LOXHD1: variants seen among roughly 807,000 people sequenced by gnomAD.
LOXHD1 encodes lipoxygenase homology PLAT domains 1.
LOXHD1 carries 205 observed loss-of-function variants against 248.2 expected under a neutral mutation model. That is an observed-to-expected ratio of 0.83 (90% CI 0.74 to 0.93). The LOEUF (loss-of-function observed/expected upper bound fraction) is 0.93, where lower values mean the gene tolerates loss of function less well. LOXHD1 is among the 40% of genes least tolerant of loss of function. The pLI, the probability that LOXHD1 is intolerant of heterozygous loss-of-function variation, is 0.00. For missense variants in LOXHD1, 2,930 were observed against 2,971.6 expected (o/e 0.99, Z 0.33); for synonymous variants, 1,113 against 1,162.8 (o/e 0.96, Z 0.87).
intron 21 of LOXHD1, 89 bp from the exon 22 acceptor site, chr18:46,547,147 A>C: frequency 6.9e-7 from 1 of 1,450,516 alleles, no homozygotes; most frequent in Non-Finnish European, 9.4e-7. Context: ...GAGGCCCTCT[A>C]TGGGGTCCCA....
chr18:46,569,713 G>A, intron 15 of LOXHD1, 75 bp from the exon 16 acceptor site: 1 of 1,220,144 alleles, frequency 8.2e-7, no homozygotes, highest in Non-Finnish European at 1.1e-6. Flanking sequence ...TGCGTGTATA[G>A]GAGGGCAGCC....
chr18:46,583,642 T>C (rs2144173189), intron 12 of LOXHD1, among the ~76,000 whole-genome samples: 1 of 152,036 alleles, frequency 6.6e-6, no homozygotes, highest in Non-Finnish European at 1.5e-5. Flanking sequence ...TAGTGAAATA[T>C]ACCATCTTGC....
chr18:46,565,383 C>G (rs1452276744), intron 17 of LOXHD1, among the ~76,000 whole-genome samples: 4 of 152,230 alleles, frequency 2.6e-5, no homozygotes, highest in Non-Finnish European at 5.9e-5. Flanking sequence ...CATTGCTAAC[C>G]CTTTATCCTG....
chr18:46,556,144 CCAAT>C (rs2037321078), intron 21 of LOXHD1, among the ~76,000 whole-genome samples: 1 of 151,152 alleles, frequency 6.6e-6, no homozygotes, highest in Non-Finnish European at 1.5e-5. Flanking sequence ...ACAGCCATGC[CCAAT>C]CATTTAGGCA....
chr18:46,651,721 G>A (rs976721219), intron 1 of LOXHD1, among the ~76,000 whole-genome samples: 3 of 151,180 alleles, frequency 2.0e-5, no homozygotes, highest in Non-Finnish European at 2.9e-5. Flanking sequence ...AGAGACTAGG[G>A]AAGGTATTTG....
intron 4 of LOXHD1, among the ~76,000 whole-genome samples, chr18:46,624,996 A>G (rs1308927544): frequency 6.6e-6 from 1 of 152,032 alleles, no homozygotes; most frequent in African/African-American, 2.4e-5. Flanking sequence ...AATCCTCACA[A>G]TGATGGACCC....
intron 26 of LOXHD1, among the ~76,000 whole-genome samples, 165 bp from the exon 27 acceptor site, chr18:46,534,616 ACGC>A: frequency 6.6e-6 from 1 of 152,158 alleles, no homozygotes; most frequent in Middle Eastern, 3.4e-3. Context: ...CTTGACACAC[ACGC>A]CATGCTTATG....
At chr18:46,507,788 C>T in intron 35 of LOXHD1, 76 bp from the exon 36 acceptor site, 1 of 1,442,902 alleles carries the variant, frequency 6.9e-7, no homozygotes, top group Non-Finnish European at 9.3e-7. Context: ...TCATGCAGCC[C>T]CTCCCCGAAT....
rs1485538860 is a variant in LOXHD1, at chr18:46,505,906, G to A, written c.5810C>T (p.Thr1937Ile). Residue 1937 changes from threonine to isoleucine, a missense_variant, in exon 37 of 41, where the codon ACA becomes ATA. By Grantham distance (89) the Thr-to-Ile change is moderately conservative. Transcript: ENST00000642948. Reference sequence around the variant, plus strand: ...GCTCAGCATGTCAGGGAAGTTGAATGTGTCCGTGTTGTTCCGCTCAAACTT... The same window carrying A: ...GCTCAGCATGTCAGGGAAGTTGAATATGTCCGTGTTGTTCCGCTCAAACTT... ...WNKFERNNTDTFNFPDMLSLG... is the reference protein window; with the variant it reads ...WNKFERNNTDIFNFPDMLSLG... The A allele has an allele frequency of 6.4e-7, 1 of 1,551,908 alleles. No homozygotes were observed. Among genetic ancestry groups the A allele is most frequent in the South Asian group, 1.2e-5 (1 of 84,056 alleles).
intron 31 of LOXHD1, among the ~76,000 whole-genome samples, chr18:46,523,498 A>T (rs2035679944): frequency 6.6e-6 from 1 of 152,168 alleles, no homozygotes; most frequent in Non-Finnish European, 1.5e-5. Flanking sequence ...TGTGAGTGAA[A>T]AGAAAAATTC....
chr18:46,503,614 G>A (rs1433896918), intron 37 of LOXHD1, among the ~76,000 whole-genome samples: 1 of 152,156 alleles, frequency 6.6e-6, no homozygotes, highest in Non-Finnish European at 1.5e-5. Flanking sequence ...AGAAAACTCA[G>A]GAGTTTTTGT....
intron 35 of LOXHD1, among the ~76,000 whole-genome samples, chr18:46,509,245 C>T (rs559131797): frequency 2.3e-4 from 35 of 152,250 alleles, no homozygotes; most frequent in Non-Finnish European, 4.0e-4. Context: ...CGGCCAAGCT[C>T]AGACTCAGAG....
chr18:46,590,628 A>G (rs2038148573), intron 12 of LOXHD1, among the ~76,000 whole-genome samples: 1 of 152,172 alleles, frequency 6.6e-6, no homozygotes, highest in Non-Finnish European at 1.5e-5. Flanking sequence ...TTAAGTCCCA[A>G]TTTTGGGAAT....
rs1228249470 is a variant in LOXHD1, at chr18:46,541,959, C to A, written c.3749-19G>T. The A allele has an allele frequency of 8.4e-6, 13 of 1,544,450 alleles. No homozygotes were observed. The highest frequency in any genetic ancestry group is 4.1e-5 in the African/African-American group (3 of 72,768). On this transcript the variant is annotated intron_variant, in intron 24 of 40. Coordinates refer to ENST00000642948, the MANE Select transcript of LOXHD1 (RefSeq NM_001384474.1). ...GCCTTGCCTAGAGAGAGAGGAGACA[C>A]AAAACCCATCAAGGACCTGAGCAGA...
chr18:46,590,197 A>G (rs912518275), intron 12 of LOXHD1, among the ~76,000 whole-genome samples: 1 of 152,122 alleles, frequency 6.6e-6, no homozygotes, highest in Non-Finnish European at 1.5e-5. Flanking sequence ...CTTGAGTCCC[A>G]TTCCAGACTA....
chr18:46,484,844 A>T (rs1398118853), intron 39 of LOXHD1, among the ~76,000 whole-genome samples, 175 bp downstream of exon 39: 2 of 151,956 alleles, frequency 1.3e-5, no homozygotes, highest in Non-Finnish European at 2.9e-5. Context: ...CCCTTTCACC[A>T]TTGCCTGTTT....
chr18:46,525,454 G>T (rs1038264529), intron 29 of LOXHD1, among the ~76,000 whole-genome samples: 1 of 152,160 alleles, frequency 6.6e-6, no homozygotes, highest in Non-Finnish European at 1.5e-5. Flanking sequence ...GGCAGTAGAG[G>T]TGAGGCTCTG....
At chr18:46,606,976 G>A (rs1222566997) in intron 6 of LOXHD1, among the ~76,000 whole-genome samples, 1 of 152,012 alleles carries the variant, frequency 6.6e-6, no homozygotes, top group Non-Finnish European at 1.5e-5. Context: ...GACCAGCCTG[G>A]TTGACATGGT....
At chr18:46,557,591 A>T in intron 20 of LOXHD1, 102 bp from the exon 21 acceptor site, 1 of 1,403,748 alleles carries the variant, frequency 7.1e-7, no homozygotes, top group South Asian at 1.3e-5. Context: ...CCAGAGGCCA[A>T]TGGTGAGACC....
Sources: gnomAD v4.1 joint callset for allele counts (sites outside exome capture counted in the v4.1 genomes callset) on GRCh38, gnomAD v4.1.1 for gene constraint, MANE v1.5 for transcripts, NCBI Gene and HGNC (gene_info 2026-07-23, HGNC 2026-07-21) for gene names.